SDK1: variants seen among roughly 807,000 people sequenced by gnomAD.
The protein encoded by SDK1 is protein sidekick-1.
In SDK1, 157 loss-of-function variants were observed where a neutral mutation model predicts 245.5. The ratio of observed to expected loss-of-function variants is 0.64; its 90% CI spans 0.56 to 0.73. The LOEUF (loss-of-function observed/expected upper bound fraction) is 0.73. SDK1 is among the 30% of genes least tolerant of loss of function. SDK1 has a pLI of 0.00. For missense variants in SDK1, 3,583 were observed against 3,002.3 expected (o/e 1.19, Z -4.52); for synonymous variants, 1,647 against 1,278.5 (o/e 1.29, Z -6.15).
At chr7:3,561,659 A>G (rs1779756520) in intron 1 of SDK1, among the ~76,000 whole-genome samples, 2 of 152,072 alleles carry the variant, frequency 1.3e-5, no homozygotes, top group Admixed American at 1.3e-4. Context: ...CTGATGACTT[A>G]TTTTCTCCTT....
At chr7:4,104,803 A>G (rs761838252) in intron 22 of SDK1, among the ~76,000 whole-genome samples, 1 of 152,166 alleles carries the variant, frequency 6.6e-6, no homozygotes, top group East Asian at 1.9e-4. Context: ...CCTGGGCGCT[A>G]ATGATCCCCC....
At chr7:3,650,133 T>C (rs1052000778) in intron 4 of SDK1, among the ~76,000 whole-genome samples, 5 of 152,170 alleles carry the variant, frequency 3.3e-5, no homozygotes, top group Admixed American at 6.5e-5. Context: ...CGCTGCAGTT[T>C]CAAGCTCCTG....
chr7:3,753,094 G>T (rs770054275), intron 4 of SDK1, among the ~76,000 whole-genome samples: 2 of 152,146 alleles, frequency 1.3e-5, no homozygotes, highest in Non-Finnish European at 2.9e-5. Context: ...ACTAAGATGG[G>T]TGAGGTGGGG....
intron 1 of SDK1, among the ~76,000 whole-genome samples, chr7:3,407,387 T>C (rs1261905803): frequency 6.6e-6 from 1 of 152,214 alleles, no homozygotes; most frequent in African/African-American, 2.4e-5. Flanking sequence ...TGCCAAGTGA[T>C]ACTTCTGGTG....
At chr7:3,466,052 T>C (rs1372668981) in intron 1 of SDK1, among the ~76,000 whole-genome samples, 3 of 152,022 alleles carry the variant, frequency 2.0e-5, no homozygotes, top group African/African-American at 7.2e-5. Flanking sequence ...TCTTCTCAGA[T>C]GGGCAACTCA....
At chr7:3,515,051 C>T (rs985617130) in intron 1 of SDK1, among the ~76,000 whole-genome samples, 2 of 152,024 alleles carry the variant, frequency 1.3e-5, no homozygotes, top group Non-Finnish European at 2.9e-5. Flanking sequence ...CTAGAGTTCC[C>T]TTGACATCAT....
At chr7:3,520,693 C>T (rs1226308988) in intron 1 of SDK1, among the ~76,000 whole-genome samples, 4 of 152,116 alleles carry the variant, frequency 2.6e-5, no homozygotes, top group African/African-American at 9.7e-5. Context: ...AAGTCTGCCC[C>T]TTTTCTTTAA....
At chr7:3,999,656 G>T (rs1296779208) in intron 14 of SDK1, among the ~76,000 whole-genome samples, 3 of 152,220 alleles carry the variant, frequency 2.0e-5, no homozygotes, top group Non-Finnish European at 4.4e-5. Flanking sequence ...GAGTGAATTC[G>T]TAAGAGCAGA....
chr7:4,221,225 T>A lies in SDK1; in HGVS notation c.5702-14T>A, dbSNP rs1238869521. 1.2e-6 allele frequency: 2 copies of A among 1,612,456 alleles called. No homozygotes were observed. Among genetic ancestry groups the A allele is most frequent in the African/African-American group, 2.7e-5 (2 of 74,926 alleles). ...GGCTGATGCCTCACCTCTCTTTTCT[T>A]CTTTATCCCGCAGGATCCCCGGGCT... On this transcript the variant is annotated splice_polypyrimidine_tract_variant and intron_variant, in intron 39 of 44. Transcript: ENST00000404826.
intron 19 of SDK1, among the ~76,000 whole-genome samples, chr7:4,066,776 A>G (rs1779930559): frequency 6.6e-6 from 1 of 152,236 alleles, no homozygotes; most frequent in African/African-American, 2.4e-5. Flanking sequence ...CTGTCCGGCC[A>G]GCAGCGACTT....
intron 4 of SDK1, among the ~76,000 whole-genome samples, chr7:3,668,900 C>G (rs1039883694): frequency 7.9e-5 from 12 of 152,268 alleles, no homozygotes; most frequent in African/African-American, 2.9e-4. Flanking sequence ...AAAGGCCTGC[C>G]CAGGTTCAGG....
chr7:3,711,002 A>G (rs1001955572), intron 4 of SDK1, among the ~76,000 whole-genome samples: 10 of 152,206 alleles, frequency 6.6e-5, no homozygotes, highest in African/African-American at 2.4e-4. Flanking sequence ...TTACAATTAA[A>G]TTTTATTCCC....
chr7:3,915,471 C>A (rs756055361), intron 5 of SDK1, among the ~76,000 whole-genome samples: 9 of 152,160 alleles, frequency 5.9e-5, no homozygotes, highest in Non-Finnish European at 1.2e-4. Flanking sequence ...CTCATGAGAT[C>A]GGATGGTTTT....
rs1788566486 is a variant in SDK1, at chr7:4,267,901, G to A, written c.*2517G>A. 1.0e-6 allele frequency: 1 copy of A among 985,512 alleles called. No individual in the cohort carries two copies. The highest frequency in any genetic ancestry group is 1.2e-6 in the Non-Finnish European group (1 of 830,006). The allele number at this position is 985,512 out of a possible 1,614,324, so 61.0% of individuals were successfully genotyped here. A position where few individuals can be genotyped will look rare whatever the true frequency, so the allele number is the denominator to read the frequency against. Reference sequence around the variant, plus strand: ...ACTCTGTCCCATGAGAACCACCTGTGCAAAGGAACAGAGCTGGATGTTTCC... The same window carrying A: ...ACTCTGTCCCATGAGAACCACCTGTACAAAGGAACAGAGCTGGATGTTTCC... On this transcript the variant is annotated 3_prime_UTR_variant, in exon 45 of 45. Transcript: ENST00000404826.
intron 13 of SDK1, among the ~76,000 whole-genome samples, chr7:3,975,031 T>C (rs1158836438): frequency 1.3e-5 from 2 of 152,040 alleles, no homozygotes; most frequent in African/African-American, 2.4e-5. Context: ...TTAAGTCTTG[T>C]GAAATCTTGA....
At chr7:3,880,375 G>A (rs1052741312) in intron 5 of SDK1, among the ~76,000 whole-genome samples, 16 of 152,272 alleles carry the variant, frequency 1.1e-4, no homozygotes, top group African/African-American at 3.1e-4. Context: ...CCTGATTAGC[G>A]GTTGGGCAAC....
intron 13 of SDK1, among the ~76,000 whole-genome samples, chr7:3,985,908 G>A (rs1783792710): frequency 6.6e-6 from 1 of 152,118 alleles, no homozygotes; most frequent in Non-Finnish European, 1.5e-5. Context: ...ATGGCTTTGT[G>A]TTCTGACCTG....
chr7:3,579,417 A>G (rs542696864), intron 1 of SDK1, among the ~76,000 whole-genome samples: 1 of 152,386 alleles, frequency 6.6e-6, no homozygotes, highest in East Asian at 1.9e-4. Flanking sequence ...AGAACTAAAG[A>G]CAAAAATCAC....
intron 1 of SDK1, among the ~76,000 whole-genome samples, chr7:3,534,270 A>T (rs994952372): frequency 6.6e-6 from 1 of 151,874 alleles, no homozygotes; most frequent in East Asian, 1.9e-4. Context: ...TATATACTAC[A>T]TTTTCTTTAC....
Sources: gnomAD v4.1 joint callset for allele counts (sites outside exome capture counted in the v4.1 genomes callset) on GRCh38, gnomAD v4.1.1 for gene constraint, MANE v1.5 for transcripts, NCBI Gene and HGNC (gene_info 2026-07-23, HGNC 2026-07-21) for gene names.